Variants in AK5 observed in about 807,000 individuals in gnomAD.
The protein encoded by AK5 is adenylate kinase 5.
In AK5, 27 loss-of-function variants were observed where a neutral mutation model predicts 69.5. That is an observed-to-expected ratio of 0.39 (90% CI 0.29 to 0.54). The LOEUF is 0.54. Among genes scored for constraint, AK5 ranks in the 20% least tolerant of loss-of-function variants. AK5 has a pLI of 0.71. For synonymous variants in AK5, 260 were observed against 244.4 expected (o/e 1.06, Z -0.60); for missense variants, 531 against 700.4 (o/e 0.76, Z 2.73).
intron 8 of AK5, among the ~76,000 whole-genome samples, chr1:77,436,367 G>A (rs188589844): frequency 8.4e-4 from 128 of 151,640 alleles, no homozygotes; most frequent in Middle Eastern, 3.6e-3. Flanking sequence ...CAAACTCTTA[G>A]TAACATTAAT....
intron 6 of AK5, among the ~76,000 whole-genome samples, chr1:77,408,542 T>C (rs1213810012): frequency 1.3e-5 from 2 of 152,048 alleles, no homozygotes. Flanking sequence ...TTGTTGGATG[T>C]GTAGTTTGTG....
chr1:77,314,005 G>A (rs1660106064), intron 5 of AK5: 2 of 409,074 alleles, frequency 4.9e-6, no homozygotes, highest in South Asian at 3.7e-5. Context: ...GGGAAGAGGG[G>A]GAGAAATAAT....
intron 6 of AK5, among the ~76,000 whole-genome samples, chr1:77,386,935 A>G (rs906710659): frequency 6.6e-5 from 10 of 152,156 alleles, no homozygotes; most frequent in African/African-American, 1.2e-4. Flanking sequence ...GTAAGTGAGA[A>G]CATGCAATAT....
intron 7 of AK5, among the ~76,000 whole-genome samples, chr1:77,416,660 G>A (rs559240652): frequency 2.0e-5 from 3 of 152,186 alleles, no homozygotes; most frequent in East Asian, 1.9e-4. Flanking sequence ...GACATACCCC[G>A]ACTCATTTGG....
chr1:77,508,581 G>A, intron 10 of AK5, among the ~76,000 whole-genome samples: 1 of 152,082 alleles, frequency 6.6e-6, no homozygotes, highest in Non-Finnish European at 1.5e-5. Flanking sequence ...AGAAGTTTGG[G>A]GCAGGCTGGG....
intron 6 of AK5, among the ~76,000 whole-genome samples, chr1:77,347,367 TG>T (rs1400151827): frequency 1.3e-5 from 2 of 152,184 alleles, no homozygotes; most frequent in Admixed American, 1.3e-4. Context: ...TCACATCCTC[TG>T]GGCAACAAGC....
At position 77,289,942 on chromosome 1, in the gene AK5, C is replaced by T. The variant is rs1381600301; in HGVS notation, c.247+2815C>T. On this transcript the variant is annotated intron_variant, in intron 2 of 13. Transcript: ENST00000354567. ...AGCTGAACAAAACACATCTGTGGGG[C>T]TATATTGGGTACACAAATTGTGAGT... Among the ~76,000 whole-genome samples, 3 of 148,618 alleles carry T rather than the reference C, an allele frequency of 2.0e-5. No homozygotes were observed. The East Asian group carries it at 6.0e-4, about 29-fold the overall frequency.
At position 77,417,647 on chromosome 1, in the gene AK5, G is replaced by T; in HGVS notation, c.991G>T (p.Asp331Tyr). 1 of 1,602,772 alleles carries T rather than the reference G, an allele frequency of 6.2e-7. No homozygotes were observed. The highest frequency in any genetic ancestry group is 1.1e-5 in the South Asian group (1 of 90,554). ...PNKEAAAGSS[D>Y]LDPSMILDTG... ...TTCTTTCCTAATCTTAGGTTCAAGT[G>T]ACCTTGATCCTTCGATGATATTGGA... Residue 331 changes from aspartate to tyrosine, a missense_variant, in exon 8 of 14, where the codon GAC (aspartate) becomes TAC (tyrosine). Asp to Tyr is a radical substitution (Grantham distance 160, BLOSUM62 -3). Transcript: ENST00000354567.
At chr1:77,346,833 A>G (rs1341076543) in intron 6 of AK5, among the ~76,000 whole-genome samples, 2 of 152,204 alleles carry the variant, frequency 1.3e-5, no homozygotes, top group Non-Finnish European at 2.9e-5. Context: ...AACACTTATC[A>G]GCAACCCACC....
In AK5 at chr1:77,328,505, GA is replaced by G. The variant is rs113780480; in HGVS notation, c.700-11861del. ...TGTGAGACTCCATCTCAAAAAAAAAGAAAAAAAAAAACTTCAACTTTTTCCT... is the reference window on the plus strand; with the variant it reads ...TGTGAGACTCCATCTCAAAAAAAAAGAAAAAAAAAACTTCAACTTTTTCCT... On this transcript the variant is annotated intron_variant, in intron 5 of 13. Transcript: ENST00000354567. 8.5e-3 allele frequency among the ~76,000 whole-genome samples: 1,196 copies of G among 140,478 alleles called. 11 individuals are homozygous for G. Among genetic ancestry groups the G allele is most frequent in the African/African-American group, 0.024 (926 of 38,590 alleles). The allele number at this position is 140,478 out of a possible 152,430, so 92.2% of individuals were successfully genotyped here. A position where few individuals can be genotyped will look rare whatever the true frequency, so the allele number is the denominator to read the frequency against.
At chr1:77,448,157 G>T (rs950347477) in intron 8 of AK5, among the ~76,000 whole-genome samples, 1 of 152,176 alleles carries the variant, frequency 6.6e-6, no homozygotes, top group Admixed American at 6.5e-5. Context: ...TGGGTGGAAA[G>T]GGGCGGGTCC....
chr1:77,294,164 A>G lies in AK5; in HGVS notation c.415+204A>G, dbSNP rs140222683. On this transcript the variant is annotated intron_variant, in intron 3 of 13. Transcript: ENST00000354567. Reference sequence around the variant, plus strand: ...GTTATAATTATATAATCTAATGCCTATTGCATTTTCATAGATTCCCAATAA... The same window carrying G: ...GTTATAATTATATAATCTAATGCCTGTTGCATTTTCATAGATTCCCAATAA... Among the ~76,000 whole-genome samples, 924 of 152,342 alleles carry G rather than the reference A, an allele frequency of 6.1e-3. 12 individuals are homozygous for G. The highest frequency in any genetic ancestry group is 0.021 in the African/African-American group (879 of 41,572).
intron 7 of AK5, among the ~76,000 whole-genome samples, chr1:77,412,962 C>T (rs1477587693): frequency 6.6e-6 from 1 of 152,108 alleles, no homozygotes; most frequent in African/African-American, 2.4e-5. Context: ...ATTCCTCATC[C>T]CTGGCCTCTC....
chr1:77,320,197 A>G (rs1253901924), intron 5 of AK5, among the ~76,000 whole-genome samples: 1 of 152,174 alleles, frequency 6.6e-6, no homozygotes, highest in Non-Finnish European at 1.5e-5. Flanking sequence ...CAGTATCATG[A>G]GAACAGCATG....
At chr1:77,432,891 C>A (rs1376077562) in intron 8 of AK5, among the ~76,000 whole-genome samples, 4 of 152,146 alleles carry the variant, frequency 2.6e-5, no homozygotes, top group African/African-American at 9.7e-5. Flanking sequence ...TTAAGAGGGG[C>A]AAGAGTCTCA....
intron 6 of AK5, among the ~76,000 whole-genome samples, chr1:77,368,245 A>ATATATATATATATGTTATATCTAT (rs376578923): frequency 1.5e-5 from 1 of 67,906 alleles, no homozygotes; most frequent in Non-Finnish European, 2.9e-5. Context: ...ATATATATAT[A>ATATATATATATATGTTATATCTAT]TATATATAAT....
chr1:77,358,207 A>G (rs1662650135), intron 6 of AK5, among the ~76,000 whole-genome samples: 1 of 152,120 alleles, frequency 6.6e-6, no homozygotes, highest in South Asian at 2.1e-4. Flanking sequence ...TGATATTTTG[A>G]CAGTATGATG....
chr1:77,548,145 G>A (rs1041248815), intron 13 of AK5, among the ~76,000 whole-genome samples: 6 of 152,168 alleles, frequency 3.9e-5, no homozygotes, highest in African/African-American at 9.7e-5. Context: ...CAGACTGCAC[G>A]TACTATGGGA....
At chr1:77,507,761 G>A (rs1657107353) in intron 10 of AK5, among the ~76,000 whole-genome samples, 1 of 152,200 alleles carries the variant, frequency 6.6e-6, no homozygotes, top group South Asian at 2.1e-4. Flanking sequence ...ACTTCCTGCA[G>A]TGACATTGGA....
Sources: gnomAD v4.1 joint callset for allele counts (sites outside exome capture counted in the v4.1 genomes callset) on GRCh38, gnomAD v4.1.1 for gene constraint, MANE v1.5 for transcripts, NCBI Gene and HGNC (gene_info 2026-07-23, HGNC 2026-07-21) for gene names.